Variants in RFX2 observed in about 807,000 individuals in gnomAD.
RFX2 encodes DNA-binding protein RFX2.
RFX2 carries 20 observed loss-of-function variants against 87.8 expected under a neutral mutation model. That is an observed-to-expected ratio of 0.23 (90% CI 0.16 to 0.33). The LOEUF (loss-of-function observed/expected upper bound fraction) is 0.33, where lower values mean the gene tolerates loss of function less well. Among genes scored for constraint, RFX2 ranks in the 10% least tolerant of loss-of-function variants. RFX2 has a pLI of 1.00. For synonymous variants in RFX2, 397 were observed against 431.3 expected (o/e 0.92, Z 0.98); for missense variants, 767 against 1,012.3 (o/e 0.76, Z 3.29).
At chr19:6,098,688 T>C (rs1040580069) in intron 1 of RFX2, among the ~76,000 whole-genome samples, 9 of 150,224 alleles carry the variant, frequency 6.0e-5, no homozygotes, top group Non-Finnish European at 1.2e-4. Context: ...AAAAAAGAAC[T>C]GGAAAAAAAA....
intron 1 of RFX2, among the ~76,000 whole-genome samples, chr19:6,079,362 C>T (rs887542455): frequency 6.6e-6 from 1 of 152,194 alleles, no homozygotes; most frequent in African/African-American, 2.4e-5. Context: ...AAGGAACAAA[C>T]GACTGACACA....
At chr19:6,003,004 G>A (rs2086515028) in intron 13 of RFX2, 134 bp from the exon 14 acceptor site, 1 of 976,602 alleles carries the variant, frequency 1.0e-6, no homozygotes, top group Non-Finnish European at 1.5e-6. Flanking sequence ...GCAGGGAAGA[G>A]GGAACCTCCT....
rs918531503 is a variant in RFX2, at chr19:6,020,598, G to A, written c.598-4327C>T. Among the ~76,000 whole-genome samples, 3 of 152,186 alleles carry A rather than the reference G, an allele frequency of 2.0e-5. No homozygotes were observed. The highest frequency in any genetic ancestry group is 4.8e-5 in the African/African-American group (2 of 41,450). On this transcript the variant is annotated intron_variant, in intron 6 of 17. Transcript: ENST00000303657. This position sits in a 1 kb window ranked among gnomAD's most constrained non-coding sequence, Gnocchi z 5.3. ...TGCTGGAGCCCACACCTGGCGGCACGTCAGACTGCGGCAAGCATCACAGGT... is the reference window on the plus strand; with the variant it reads ...TGCTGGAGCCCACACCTGGCGGCACATCAGACTGCGGCAAGCATCACAGGT...
At chr19:6,000,321 A>G (rs909872240) in intron 15 of RFX2, among the ~76,000 whole-genome samples, 35 of 152,086 alleles carry the variant, frequency 2.3e-4, no homozygotes, top group African/African-American at 8.5e-4. Flanking sequence ...GATAGTAAAT[A>G]TTTTCAGCTT....
rs973113571 is a variant in RFX2 at position 6,101,650 on chromosome 19, C to T, written c.-9+8743G>A. Among the ~76,000 whole-genome samples, 3 of 152,194 alleles carry T rather than the reference C, an allele frequency of 2.0e-5. No homozygotes were observed. The highest frequency in any genetic ancestry group is 4.8e-5 in the African/African-American group (2 of 41,444). On this transcript the variant is annotated intron_variant, in intron 1 of 17. Coordinates refer to ENST00000303657, the MANE Select transcript of RFX2 (RefSeq NM_000635.4). This position sits in a 1 kb window ranked among gnomAD's most constrained non-coding sequence, Gnocchi z 4.9. The stretch of plus-strand genomic sequence containing the variant: ...TTTCAACAGTTTTCCAGGAGACAGG[C>T]GTTCATGAGTCAAGCCTTCTGCCTT...
rs766972250 is a variant in RFX2 at position 6,047,402 on chromosome 19, G to T, written c.90+5C>A. The T allele has an allele frequency of 6.2e-7, 1 of 1,603,430 alleles. No individual in the cohort carries two copies. Among genetic ancestry groups the T allele is most frequent in the Non-Finnish European group, 8.5e-7 (1 of 1,175,216 alleles). On this transcript the variant is annotated splice_donor_5th_base_variant and intron_variant, in intron 2 of 17. Transcript: ENST00000303657. The surrounding 1 kb of genome is among the most constrained non-coding windows in gnomAD (Gnocchi z 4.2). ...ACCCTGTTGTTGCTGAGAGGCGCGC[G>T]TTACCTGCGGGGAGGCTGGCACAGG... is the stretch of plus-strand genomic sequence containing the variant.
At chr19:5,995,092 T>A in intron 17 of RFX2, 142 bp from the exon 18 acceptor site, 1 of 677,920 alleles carries the variant, frequency 1.5e-6, no homozygotes, top group Non-Finnish European at 2.6e-6. Flanking sequence ...CACCTCGGCC[T>A]CTGCTCCAGG....
intron 1 of RFX2, among the ~76,000 whole-genome samples, chr19:6,099,575 G>T (rs1045669500): frequency 1.3e-5 from 2 of 151,816 alleles, no homozygotes; most frequent in African/African-American, 4.8e-5. Flanking sequence ...CCGTCCTGAA[G>T]AGCACTCGGG....
At chr19:6,099,961 T>C (rs913671287) in intron 1 of RFX2, among the ~76,000 whole-genome samples, 7 of 152,152 alleles carry the variant, frequency 4.6e-5, no homozygotes, top group African/African-American at 1.7e-4. Context: ...CTCCACATCC[T>C]ACAGTGCACA....
At chr19:6,071,334 C>T (rs144695362) in intron 1 of RFX2, among the ~76,000 whole-genome samples, 27 of 152,218 alleles carry the variant, frequency 1.8e-4, no homozygotes, top group African/African-American at 4.3e-4. Flanking sequence ...CTCAGCCTGA[C>T]GGGAGGAGGT....
intron 1 of RFX2, among the ~76,000 whole-genome samples, chr19:6,105,344 G>A (rs1411179924): frequency 6.6e-6 from 1 of 152,090 alleles, no homozygotes; most frequent in East Asian, 1.9e-4. Flanking sequence ...AAGTCGGAGA[G>A]CCAGCCCTCC....
chr19:6,103,943 CT>C (rs1175650477), intron 1 of RFX2, among the ~76,000 whole-genome samples: 1 of 152,118 alleles, frequency 6.6e-6, no homozygotes, highest in African/African-American at 2.4e-5. Context: ...ACAACAGTTA[CT>C]TTTTTCTGAG....
chr19:6,001,743 C>T lies in RFX2; in HGVS notation c.1859+72G>A. On this transcript the variant is annotated intron_variant, in intron 15 of 17. Coordinates refer to ENST00000303657, the MANE Select transcript of RFX2 (RefSeq NM_000635.4). This position sits in a 1 kb window ranked among gnomAD's most constrained non-coding sequence, Gnocchi z 5.6. ...TTGCTCTGAGCTCACCAGCCGAGCC[C>T]CCTACCCTCTAGAAGTTTCTCTCAG... The T allele has an allele frequency of 7.3e-7, 1 of 1,374,756 alleles. No homozygotes were observed. The highest frequency in any genetic ancestry group is 2.4e-5 in the East Asian group (1 of 42,328). The allele number at this position is 1,374,756 out of a possible 1,614,324, so 85.2% of individuals were successfully genotyped here.
At chr19:6,084,932 C>T (rs184843567) in intron 1 of RFX2, among the ~76,000 whole-genome samples, 24 of 152,278 alleles carry the variant, frequency 1.6e-4, no homozygotes, top group Admixed American at 6.5e-5. Flanking sequence ...CCACTGCGCC[C>T]GGCTGGATTT....
chr19:6,004,385 G>T lies in RFX2; in HGVS notation c.1403-87C>A. On this transcript the variant is annotated intron_variant, in intron 12 of 17. Coordinates refer to ENST00000303657, the MANE Select transcript of RFX2 (RefSeq NM_000635.4). The surrounding 1 kb of genome is among the most constrained non-coding windows in gnomAD (Gnocchi z 4.8). ...GCATTCAGTGTAAGAGCTGGCCCAAGTGCGATGAAAATGACCACCATGAAG... is the reference window on the plus strand; with the variant it reads ...GCATTCAGTGTAAGAGCTGGCCCAATTGCGATGAAAATGACCACCATGAAG... 8.9e-7 allele frequency: 1 copy of T among 1,126,178 alleles called. No homozygotes were observed. Among genetic ancestry groups the T allele is most frequent in the Non-Finnish European group, 1.4e-6 (1 of 739,892 alleles). The allele number at this position is 1,126,178 out of a possible 1,614,324, so 69.8% of individuals were successfully genotyped here.
rs1254982071 is a variant in RFX2, at chr19:5,994,015, A to C, written c.*820T>G. On this transcript the variant is annotated 3_prime_UTR_variant, in exon 18 of 18. Transcript: ENST00000303657. Reference sequence around the variant, plus strand: ...CTTGATGGTGACGGTGAACTTGGACAGAGTCCCACATCCTTCCTGCTGCTG... The same window carrying C: ...CTTGATGGTGACGGTGAACTTGGACCGAGTCCCACATCCTTCCTGCTGCTG... 1 of 152,262 alleles carries C rather than the reference A, an allele frequency of 6.6e-6. No homozygotes were observed. The highest frequency in any genetic ancestry group is 1.5e-5 in the Non-Finnish European group (1 of 68,054). The allele number at this position is 152,262 out of a possible 1,614,324, so 9.4% of individuals were successfully genotyped here.
intron 1 of RFX2, among the ~76,000 whole-genome samples, chr19:6,088,626 C>A (rs2087890683): frequency 6.6e-6 from 1 of 152,060 alleles, no homozygotes; most frequent in Non-Finnish European, 1.5e-5. Context: ...GAGAAGATAA[C>A]AAAGTAAATA....
Position 6,101,189 on chromosome 19 carries a change from G to A in RFX2, c.-9+9204C>T, listed in dbSNP as rs1278510059. ...ACAAATATTTTCTAAAGAAATGGAT[G>A]GAGACCCCAGAGAGCTCCTCACTGA... On this transcript the variant is annotated intron_variant, in intron 1 of 17. Transcript: ENST00000303657. The surrounding 1 kb of genome is among the most constrained non-coding windows in gnomAD (Gnocchi z 4.9). Among the ~76,000 whole-genome samples, 2 of 152,188 alleles carry A rather than the reference G, an allele frequency of 1.3e-5. No individual in the cohort carries two copies. The highest frequency in any genetic ancestry group is 4.8e-5 in the African/African-American group (2 of 41,438).
rs1013502463 is a variant in RFX2, at chr19:5,996,914, G to C, written c.2013+146C>G. The stretch of plus-strand genomic sequence containing the variant: ...TGGCACGGGTGGGCCCGTTTCTGTG[G>C]CTTGTTCTTTATCGAGCTGCAGCTC... On this transcript the variant is annotated intron_variant, in intron 16 of 17. Coordinates refer to ENST00000303657, the MANE Select transcript of RFX2 (RefSeq NM_000635.4). The C allele has an allele frequency of 3.6e-6, 3 of 833,792 alleles. No individual in the cohort carries two copies. The East Asian group carries it at 8.3e-5, about 23-fold the overall frequency. The allele number at this position is 833,792 out of a possible 1,614,324, so 51.6% of individuals were successfully genotyped here. A position where few individuals can be genotyped will look rare whatever the true frequency, so the allele number is the denominator to read the frequency against.
Sources: allele counts gnomAD v4.1 joint callset (sites outside exome capture counted in the v4.1 genomes callset), GRCh38; gene constraint gnomAD v4.1.1; non-coding constraint Gnocchi (gnomAD v3.1); transcripts MANE v1.5; gene names NCBI Gene and HGNC (gene_info 2026-07-23, HGNC 2026-07-21).